The following IPO5 variants were observed in gnomAD, a reference collection of about 807,000 sequenced individuals.
The protein encoded by IPO5 is importin 5.
A neutral mutation model predicts 143.3 loss-of-function variants in IPO5; 18 were observed. The observed-to-expected ratio is 0.13, with a 90% CI of 0.09 to 0.19. The LOEUF (loss-of-function observed/expected upper bound fraction) is 0.19, where lower values mean the gene tolerates loss of function less well. IPO5 is among the 10% of genes least tolerant of loss of function. The pLI, the probability that IPO5 is intolerant of heterozygous loss-of-function variation, is 1.00. For missense variants in IPO5, 1,013 were observed against 1,336.9 expected (o/e 0.76, Z 3.78); for synonymous variants, 477 against 465.7 (o/e 1.02, Z -0.31).
At chr13:98,016,615 C>A in intron 24 of IPO5, 114 bp from the exon 25 acceptor site, 1 of 559,046 alleles carries the variant, frequency 1.8e-6, no homozygotes, top group Non-Finnish European at 2.9e-6. Flanking sequence ...ACCCTTAAAA[C>A]AGGAATGAGA....
chr13:97,982,858 A>C (rs565682355), intron 5 of IPO5, among the ~76,000 whole-genome samples: 1 of 152,220 alleles, frequency 6.6e-6, no homozygotes, highest in Non-Finnish European at 1.5e-5. Flanking sequence ...AAGAATTATT[A>C]AATTAAAGTG....
rs1889261573 is a variant in IPO5, at chr13:98,006,462, C to T, written c.1716+114C>T. 6.4e-6 allele frequency: 4 copies of T among 629,170 alleles called. No homozygotes were observed. The South Asian group carries it at 6.5e-5, about 10-fold the overall frequency. 39.0% of individuals were successfully genotyped at this position (629,170 alleles called of 1,614,324 possible). On this transcript the variant is annotated intron_variant, in intron 17 of 28. Transcript: ENST00000651721. ...CGATCTCGGCTCACTGCAAACTCTG[C>T]CTCCCAGGTTCATGCCATTCTCCTG...
intron 4 of IPO5, among the ~76,000 whole-genome samples, chr13:97,977,402 T>G (rs148298459): frequency 2.0e-5 from 3 of 152,324 alleles, no homozygotes; most frequent in Non-Finnish European, 4.4e-5. Flanking sequence ...TTTTGTGAAG[T>G]TGCCTTTAGG....
chr13:97,998,695 TAGC>T (rs1357181412), intron 12 of IPO5, among the ~76,000 whole-genome samples: 1 of 152,236 alleles, frequency 6.6e-6, no homozygotes, highest in African/African-American at 2.4e-5. Flanking sequence ...TCAACTTTAT[TAGC>T]AGTCCCAGAG....
In IPO5 at chr13:98,006,334, G is replaced by A; in HGVS notation, c.1702G>A (p.Val568Ile). The change falls in exon 17 of 29, where the codon GTT (valine) becomes ATT (isoleucine). Residue 568 changes from valine (V) to isoleucine (I), a missense_variant. This residue lies in a region of IPO5 where 685 missense variants were observed against 994.9 expected (regional missense o/e 0.69). Transcript: ENST00000651721. ...IECISLIGLA[V>I]GKEKFMQDAS... ...ATGCATTAGCCTCATTGGTCTGGCT[G>A]TTGGGAAGGAAAAAGTAAGTAATTT... 2 of 1,039,486 alleles carry A rather than the reference G, an allele frequency of 1.9e-6. No individual in the cohort carries two copies. Among genetic ancestry groups the A allele is most frequent in the Non-Finnish European group, 2.7e-6 (2 of 729,162 alleles). 64.4% of individuals were successfully genotyped at this position (1,039,486 alleles called of 1,614,324 possible). A position where few individuals can be genotyped will look rare whatever the true frequency, so the allele number is the denominator to read the frequency against.
chr13:97,977,536 G>C (rs1178455885), intron 4 of IPO5, among the ~76,000 whole-genome samples: 1 of 152,184 alleles, frequency 6.6e-6, no homozygotes, highest in African/African-American at 2.4e-5. Flanking sequence ...GACTTCCGTT[G>C]TTTAACTGGG....
intron 3 of IPO5, among the ~76,000 whole-genome samples, chr13:97,970,756 G>A (rs1337070340): frequency 6.6e-6 from 1 of 152,176 alleles, no homozygotes; most frequent in Non-Finnish European, 1.5e-5. Context: ...TAATAGCTCT[G>A]TGATAATCAA....
intron 21 of IPO5, 132 bp from the exon 22 acceptor site, chr13:98,013,910 C>G (rs1360411672): frequency 1.5e-6 from 1 of 680,402 alleles, no homozygotes. Flanking sequence ...TTTATACATG[C>G]TTTATATTTA....
rs115348976 is a variant in IPO5 at position 97,977,624 on chromosome 13, G to A, written c.90+838G>A. Reference sequence around the variant, plus strand: ...TTTTTTCAAACCACCTCTTGTTCCTGGCCTCCAAAATGTGGAGAGACTTTC... The same window carrying A: ...TTTTTTCAAACCACCTCTTGTTCCTAGCCTCCAAAATGTGGAGAGACTTTC... On this transcript the variant is annotated intron_variant, in intron 4 of 28. Transcript: ENST00000651721. Among the ~76,000 whole-genome samples, 808 of 152,120 alleles carry A rather than the reference G, an allele frequency of 5.3e-3. 10 individuals carry two copies. The highest frequency in any genetic ancestry group is 0.019 in the African/African-American group (768 of 41,484).
chr13:97,998,060 C>T (rs1263273877), intron 12 of IPO5, among the ~76,000 whole-genome samples: 1 of 152,210 alleles, frequency 6.6e-6, no homozygotes, highest in African/African-American at 2.4e-5. Flanking sequence ...ACCGCAAGCT[C>T]CGCCTCCGGG....
chr13:98,010,850 G>A (rs1381914659), intron 20 of IPO5, among the ~76,000 whole-genome samples: 6 of 136,280 alleles, frequency 4.4e-5, no homozygotes, highest in Admixed American at 1.6e-4. Flanking sequence ...GCACGATCTC[G>A]ACTCACTGCA....
intron 3 of IPO5, chr13:97,975,925 G>C (rs1487307617): frequency 8.1e-6 from 8 of 985,530 alleles, no homozygotes; most frequent in African/African-American, 1.7e-5. Flanking sequence ...CGCGACGGGA[G>C]GAAGGGGCGC....
At chr13:97,986,350 G>GTA (rs1165809321) in intron 6 of IPO5, among the ~76,000 whole-genome samples, 5 of 150,140 alleles carry the variant, frequency 3.3e-5, no homozygotes, top group Admixed American at 2.6e-4. Context: ...GCTATACTAT[G>GTA]TATATATATA....
chr13:98,014,492 C>T (rs1323511528), intron 22 of IPO5, among the ~76,000 whole-genome samples: 1 of 152,200 alleles, frequency 6.6e-6, no homozygotes, highest in Non-Finnish European at 1.5e-5. Flanking sequence ...CTCCTGGCCT[C>T]AGGTGATCCA....
Position 97,976,682 on chromosome 13 carries a change from C to T in IPO5, c.-4-11C>T. On this transcript the variant is annotated splice_polypyrimidine_tract_variant and intron_variant, in intron 3 of 28. Coordinates refer to ENST00000651721, the MANE Select transcript of IPO5 (RefSeq NM_002271.6). The stretch of plus-strand genomic sequence containing the variant: ...TCCTGTCTCCCCTCCCTCCTTCTCT[C>T]TCACGCCTAGCGCAATGGCGGCGGC... The T allele has an allele frequency of 7.5e-7, 1 of 1,329,098 alleles. No homozygotes were observed. The highest frequency in any genetic ancestry group is 1.0e-6 in the Non-Finnish European group (1 of 1,004,748). 82.3% of individuals were successfully genotyped at this position (1,329,098 alleles called of 1,614,324 possible).
chr13:97,985,477 A>T lies in IPO5; in HGVS notation c.228A>T (p.Glu76Asp). 2 of 1,614,128 alleles carry T rather than the reference A, an allele frequency of 1.2e-6. No homozygotes were observed. Among genetic ancestry groups the T allele is most frequent in the Middle Eastern group, 1.6e-4 (1 of 6,062 alleles). Reference sequence around the variant, plus strand: ...GTCTCTTGTCCTCTGCATTTGATGAAGTCTATCCAGCACTTCCCTCTGATG... The same window carrying T: ...GTCTCTTGTCCTCTGCATTTGATGATGTCTATCCAGCACTTCCCTCTGATG... Reference protein sequence around the residue: ...LRRLLSSAFDEVYPALPSDVQ... With the variant: ...LRRLLSSAFDDVYPALPSDVQ... The change falls in exon 6 of 29, where the codon GAA (glutamate) becomes GAT (aspartate). Residue 76 changes from glutamate (E) to aspartate (D), a missense_variant. Glu to Asp is a conservative substitution (Grantham distance 45). Coordinates refer to ENST00000651721, the MANE Select transcript of IPO5 (RefSeq NM_002271.6).
At chr13:97,965,840 T>C (rs181404584) in intron 2 of IPO5, among the ~76,000 whole-genome samples, 1 of 151,948 alleles carries the variant, frequency 6.6e-6, no homozygotes, top group East Asian at 1.9e-4. Context: ...CACTTGTGAA[T>C]AGAGATAGAA....
At chr13:98,005,791 G>T (rs1889190631) in intron 16 of IPO5, among the ~76,000 whole-genome samples, 1 of 151,892 alleles carries the variant, frequency 6.6e-6, no homozygotes, top group African/African-American at 2.4e-5. Flanking sequence ...AATCAGTGAA[G>T]AAAAAAATGA....
In IPO5 at chr13:98,019,718, G is replaced by A. The variant is rs1890352395; in HGVS notation, c.2974G>A (p.Val992Ile). 6.2e-7 allele frequency: 1 copy of A among 1,613,750 alleles called. No homozygotes were observed. The highest frequency in any genetic ancestry group is 1.3e-5 in the African/African-American group (1 of 74,920). Reference protein sequence around the residue: ...FKPDCVNVEEVLPHWLSWLPL... With the variant: ...FKPDCVNVEEILPHWLSWLPL... The stretch of plus-strand genomic sequence containing the variant: ...GCCTGACTGTGTAAACGTTGAAGAG[G>A]TCCTTCCACACTGGTTGTCTTGGCT... Residue 992 changes from valine (V) to isoleucine (I), a missense_variant, in exon 27 of 29, where the codon GTC (valine) becomes ATC (isoleucine). Coordinates refer to ENST00000651721, the MANE Select transcript of IPO5 (RefSeq NM_002271.6).
Sources: gnomAD v4.1 joint callset for allele counts (sites outside exome capture counted in the v4.1 genomes callset) on GRCh38, gnomAD v4.1.1 for gene constraint, gnomAD v4.1.1 regional missense constraint, MANE v1.5 for transcripts, NCBI Gene and HGNC (gene_info 2026-07-23, HGNC 2026-07-21) for gene names.